KCNT2: variants seen among roughly 807,000 people sequenced by gnomAD.
KCNT2 encodes the protein potassium channel subfamily T member 2.
A neutral mutation model predicts 153.8 loss-of-function variants in KCNT2; 67 were observed. The ratio of observed to expected loss-of-function variants is 0.44; its 90% CI spans 0.36 to 0.53. KCNT2 has a LOEUF of 0.53. Ranked by LOEUF, KCNT2 falls within the 20% of genes least tolerant of loss-of-function variation. The pLI, the probability that KCNT2 is intolerant of heterozygous loss-of-function variation, is 0.00. For synonymous variants in KCNT2, 500 were observed against 458.8 expected, an observed-to-expected ratio of 1.09 and a Z score of -1.15; for missense variants, 975 against 1,354.8, an observed-to-expected ratio of 0.72 and a Z score of 4.40.
At chr1:196,437,288 T>TAA (rs1674793318) in intron 8 of KCNT2, among the ~76,000 whole-genome samples, 4 of 79,148 alleles carry the variant, frequency 5.1e-5, no homozygotes, top group East Asian at 8.5e-4. Context: ...ATAAAATATA[T>TAA]ATAATATATA....
chr1:196,556,758 G>A (rs949273021), intron 1 of KCNT2, among the ~76,000 whole-genome samples: 5 of 151,498 alleles, frequency 3.3e-5, no homozygotes, highest in African/African-American at 1.2e-4. Flanking sequence ...AATGGGTAAA[G>A]AAAATGTGAT....
intron 22 of KCNT2, among the ~76,000 whole-genome samples, chr1:196,289,780 TATC>T (rs943575104): frequency 5.9e-5 from 9 of 152,140 alleles, no homozygotes; most frequent in African/African-American, 2.2e-4. Flanking sequence ...TTGTTAAATT[TATC>T]ATATTTCTTT....
At chr1:196,568,249 C>T (rs1310566258) in intron 1 of KCNT2, among the ~76,000 whole-genome samples, 1 of 152,100 alleles carries the variant, frequency 6.6e-6, no homozygotes, top group Non-Finnish European at 1.5e-5. Flanking sequence ...GAGCTCGCAA[C>T]CTAGATCCCT....
chr1:196,489,733 T>G (rs927767506), intron 3 of KCNT2, 105 bp downstream of exon 3: 3 of 657,988 alleles, frequency 4.6e-6, no homozygotes, highest in African/African-American at 3.9e-5. Context: ...ACACCTAAAA[T>G]ACCCTTAAAA....
chr1:196,505,565 G>A (rs188616050), intron 1 of KCNT2, among the ~76,000 whole-genome samples: 82 of 151,830 alleles, frequency 5.4e-4, no homozygotes, highest in African/African-American at 2.0e-3. Flanking sequence ...TTGGTGATGC[G>A]GGCTCTTTTT....
chr1:196,526,950 A>G (rs757803262), intron 1 of KCNT2, among the ~76,000 whole-genome samples: 11 of 152,146 alleles, frequency 7.2e-5, no homozygotes, highest in Non-Finnish European at 1.3e-4. Flanking sequence ...TTGAACAAGC[A>G]TTACCACCTG....
At chr1:196,419,533 A>G (rs765156741) in intron 12 of KCNT2, among the ~76,000 whole-genome samples, 143 of 151,528 alleles carry the variant, frequency 9.4e-4, no homozygotes, top group Non-Finnish European at 1.9e-3. Context: ...TTATGGTTGC[A>G]TAGTATTCCA....
At chr1:196,594,488 C>A (rs1025571834) in intron 1 of KCNT2, among the ~76,000 whole-genome samples, 45 of 152,116 alleles carry the variant, frequency 3.0e-4, no homozygotes, top group Middle Eastern at 6.8e-3. Context: ...GTAATATCTT[C>A]TTTATACTAC....
At chr1:196,538,088 C>G (rs1023377448) in intron 1 of KCNT2, among the ~76,000 whole-genome samples, 2 of 152,064 alleles carry the variant, frequency 1.3e-5, no homozygotes, top group African/African-American at 2.4e-5. Context: ...CTCTCAGGGA[C>G]TGGGTGTGTA....
At chr1:196,509,267 G>GAAAAAAAA (rs78796952) in intron 1 of KCNT2, among the ~76,000 whole-genome samples, 2 of 77,626 alleles carry the variant, frequency 2.6e-5, no homozygotes, top group African/African-American at 4.9e-5. Context: ...GCGAAACTCC[G>GAAAAAAAA]AAAAAAAAAA....
chr1:196,467,822 C>A, intron 6 of KCNT2, 36 bp from the exon 7 acceptor site: 1 of 1,366,248 alleles, frequency 7.3e-7, no homozygotes, highest in Admixed American at 1.7e-5. Flanking sequence ...AGACTTTTAT[C>A]TCAAAGCAAT....
At chr1:196,293,498 C>A (rs764104485) in intron 22 of KCNT2, among the ~76,000 whole-genome samples, 9 of 152,078 alleles carry the variant, frequency 5.9e-5, no homozygotes, top group Non-Finnish European at 1.2e-4. Context: ...GCAATAAACC[C>A]ATGAATTAAT....
At chr1:196,230,577 C>T (rs1454175245) in intron 27 of KCNT2, among the ~76,000 whole-genome samples, 1 of 151,870 alleles carries the variant, frequency 6.6e-6, no homozygotes, top group African/African-American at 2.4e-5. Flanking sequence ...TCAACATTAA[C>T]AGAAGTTTGG....
In KCNT2 at chr1:196,258,062, A is replaced by T. The variant is rs78638430; in HGVS notation, c.3211+132T>A. The T allele has an allele frequency of 7.0e-4, 1,017 of 1,443,300 alleles. 7 individuals carry two copies. The African/African-American group carries it at 0.012, about 17-fold the overall frequency. The allele number at this position is 1,443,300 out of a possible 1,614,324, so 89.4% of individuals were successfully genotyped here. A position where few individuals can be genotyped will look rare whatever the true frequency, so the allele number is the denominator to read the frequency against. On this transcript the variant is annotated intron_variant, in intron 26 of 27. Coordinates refer to ENST00000294725, the MANE Select transcript of KCNT2 (RefSeq NM_198503.5). ...ATTTAAATTTTCTGTAGGAGATCAG[A>T]TGTATCACTAGTTTCTACTAATTGA...
intron 23 of KCNT2, among the ~76,000 whole-genome samples, chr1:196,284,003 G>C (rs1659382230): frequency 6.6e-6 from 1 of 151,092 alleles, no homozygotes; most frequent in Non-Finnish European, 1.5e-5. Flanking sequence ...GGCCAAGGTT[G>C]GCCGATCACC....
At chr1:196,329,503 TC>T (rs1234738484) in intron 18 of KCNT2, among the ~76,000 whole-genome samples, 1 of 151,950 alleles carries the variant, frequency 6.6e-6, no homozygotes, top group Non-Finnish European at 1.5e-5. Context: ...CACTTTTTTG[TC>T]TCCTAATATT....
At chr1:196,404,873 C>T (rs1270658238) in intron 12 of KCNT2, among the ~76,000 whole-genome samples, 1 of 151,536 alleles carries the variant, frequency 6.6e-6, no homozygotes, top group Non-Finnish European at 1.5e-5. Flanking sequence ...ATAGTGTGAA[C>T]ATTAAATGTG....
intron 27 of KCNT2, among the ~76,000 whole-genome samples, chr1:196,234,768 C>A (rs1277347768): frequency 6.6e-6 from 1 of 151,358 alleles, no homozygotes; most frequent in African/African-American, 2.4e-5. Context: ...GTTCTCAGTC[C>A]TGCTAGTCTC....
intron 12 of KCNT2, among the ~76,000 whole-genome samples, chr1:196,410,186 T>G: frequency 6.6e-6 from 1 of 151,774 alleles, no homozygotes; most frequent in Non-Finnish European, 1.5e-5. Context: ...TGTTTTTTGC[T>G]ATTAAGCTAT....
Sources: gnomAD v4.1 joint callset for allele counts (sites outside exome capture counted in the v4.1 genomes callset) on GRCh38, gnomAD v4.1.1 for gene constraint, MANE v1.5 for transcripts, NCBI Gene and HGNC (gene_info 2026-07-23, HGNC 2026-07-21) for gene names.